The following TTC28 variants were observed in gnomAD, a reference collection of about 807,000 sequenced individuals.
TTC28 encodes the protein tetratricopeptide repeat domain 28, also known as tetratricopeptide repeat protein 28.
Under a neutral mutation model 198.0 loss-of-function variants are expected in TTC28, and 61 were observed. The observed-to-expected ratio is 0.31, with a 90% CI of 0.25 to 0.38. The LOEUF (loss-of-function observed/expected upper bound fraction) is 0.38. Ranked by LOEUF, TTC28 falls within the 10% of genes least tolerant of loss-of-function variation. TTC28 has a pLI of 1.00. For synonymous variants in TTC28, 1,171 were observed against 1,297.8 expected, an observed-to-expected ratio of 0.90 and a Z score of 2.10; for missense variants, 2,678 against 3,164.0, an observed-to-expected ratio of 0.85 and a Z score of 3.69.
At chr22:28,177,131 A>G (rs946739168) in intron 5 of TTC28, among the ~76,000 whole-genome samples, 8 of 152,212 alleles carry the variant, frequency 5.3e-5, no homozygotes, top group African/African-American at 1.4e-4. Flanking sequence ...CATAAATGAT[A>G]AAAGACTTAT....
intron 1 of TTC28, among the ~76,000 whole-genome samples, chr22:28,675,504 C>G (rs991593411): frequency 4.6e-5 from 7 of 151,882 alleles, no homozygotes; most frequent in African/African-American, 1.7e-4. Flanking sequence ...GTAATCCTAG[C>G]ACTTTGGGAG....
intron 3 of TTC28, among the ~76,000 whole-genome samples, chr22:28,304,458 G>A (rs547778405): frequency 6.6e-6 from 1 of 152,106 alleles, no homozygotes; most frequent in South Asian, 2.1e-4. Context: ...CAGTGGTAAA[G>A]ACAATGCTGA....
chr22:28,589,554 G>A (rs1040064557), intron 2 of TTC28, among the ~76,000 whole-genome samples: 1 of 152,142 alleles, frequency 6.6e-6, no homozygotes, highest in African/African-American at 2.4e-5. Flanking sequence ...CCCACATTGT[G>A]GATGGGAGCT....
Position 27,998,554 on chromosome 22 carries a change from G to A in TTC28, c.5105C>T (p.Pro1702Leu), listed in dbSNP as rs1392554521. 6.5e-7 allele frequency: 1 copy of A among 1,549,816 alleles called. No individual in the cohort carries two copies. The highest frequency in any genetic ancestry group is 1.2e-5 in the South Asian group (1 of 84,000). Reference sequence around the variant, plus strand: ...CGAACTCCCACCTGCCCAGTTGGAGGGGTGCGAGAAGGCCTTGCTGCTCTG... The same window carrying A: ...CGAACTCCCACCTGCCCAGTTGGAGAGGTGCGAGAAGGCCTTGCTGCTCTG... ...VVQSSKAFSHPSNWAGFMLIG... is the reference protein window; with the variant it reads ...VVQSSKAFSHLSNWAGFMLIG... Residue 1702 changes from proline to leucine, a missense_variant, in exon 16 of 23, where the codon CCC (proline) becomes CTC (leucine). By Grantham distance (98) the Pro-to-Leu change is moderately conservative (BLOSUM62 -3). This residue lies in a region of TTC28 where 314 missense variants were observed against 442.7 expected (regional missense o/e 0.71). Transcript: ENST00000397906.
At chr22:28,195,645 GACAA>G (rs1266587094) in intron 5 of TTC28, among the ~76,000 whole-genome samples, 2 of 66,770 alleles carry the variant, frequency 3.0e-5, no homozygotes, top group African/African-American at 1.2e-4. Context: ...ACCCATAACA[GACAA>G]ACAGAGAGCC....
chr22:28,060,349 T>G (rs1179417897), intron 12 of TTC28, among the ~76,000 whole-genome samples: 2 of 152,314 alleles, frequency 1.3e-5, no homozygotes, highest in East Asian at 3.9e-4. Context: ...CATGCGGTGT[T>G]TGGTTTTCTG....
At chr22:28,591,050 T>C (rs1244415359) in intron 2 of TTC28, among the ~76,000 whole-genome samples, 80 of 58,658 alleles carry the variant, frequency 1.4e-3, no homozygotes, top group Non-Finnish European at 2.1e-3. Flanking sequence ...CATATATATA[T>C]ATATATATAT....
At position 28,032,257 on chromosome 22, in the gene TTC28, ATATATATATAGTGT is replaced by A. The variant is rs1569095038; in HGVS notation, c.3933-1905_3933-1892del. Among the ~76,000 whole-genome samples, 12 of 86,818 alleles carry A rather than the reference ATATATATATAGTGT, an allele frequency of 1.4e-4. 1 individual carries two copies. The highest frequency in any genetic ancestry group is 7.8e-4 in the South Asian group (2 of 2,550). The allele number at this position is 86,818 out of a possible 152,430, so 57.0% of individuals were successfully genotyped here. On this transcript the variant is annotated intron_variant, in intron 12 of 22. Transcript: ENST00000397906. ...TAAAATATATATATATAAAATATAT[ATATATATATAGTGT>A]GTGTGTGTGTGTGTGTGTGTGTGTA...
intron 5 of TTC28, among the ~76,000 whole-genome samples, chr22:28,219,854 G>T (rs1927716519): frequency 6.6e-6 from 1 of 152,178 alleles, no homozygotes; most frequent in African/African-American, 2.4e-5. Context: ...TTTCAAAAGG[G>T]ATGACAAACA....
chr22:28,353,252 T>G (rs1438464153), intron 2 of TTC28, among the ~76,000 whole-genome samples: 4 of 152,210 alleles, frequency 2.6e-5, no homozygotes, highest in African/African-American at 9.7e-5. Context: ...CCTTAAGGAT[T>G]GTATTTTTGG....
chr22:28,577,190 G>A (rs991157430), intron 2 of TTC28, among the ~76,000 whole-genome samples: 1 of 151,902 alleles, frequency 6.6e-6, no homozygotes, highest in Non-Finnish European at 1.5e-5. Context: ...CATTTGTTTT[G>A]AGAAATTTTT....
At chr22:27,992,314 A>G (rs554391381) in intron 19 of TTC28, among the ~76,000 whole-genome samples, 2 of 152,308 alleles carry the variant, frequency 1.3e-5, no homozygotes, top group East Asian at 1.9e-4. Context: ...CAATGCCAAT[A>G]GCAGCCAGTG....
chr22:28,263,554 A>G (rs903500477), intron 5 of TTC28, among the ~76,000 whole-genome samples: 11 of 152,158 alleles, frequency 7.2e-5, no homozygotes, highest in African/African-American at 2.7e-4. Context: ...TTCATTTCAT[A>G]TAATCATCCT....
chr22:28,251,176 G>T (rs1257728415), intron 5 of TTC28, among the ~76,000 whole-genome samples: 4 of 152,068 alleles, frequency 2.6e-5, no homozygotes, highest in Admixed American at 2.6e-4. Context: ...ATTCAATATT[G>T]AGTTTGTTTC....
chr22:28,645,864 T>G (rs1441328283), intron 1 of TTC28, among the ~76,000 whole-genome samples: 2 of 152,076 alleles, frequency 1.3e-5, no homozygotes, highest in African/African-American at 4.8e-5. Flanking sequence ...CTGGTTCAAG[T>G]GATTCTCGTG....
chr22:28,069,945 C>T (rs1054106548), intron 12 of TTC28, among the ~76,000 whole-genome samples: 8 of 151,766 alleles, frequency 5.3e-5, no homozygotes, highest in Admixed American at 5.3e-4. Context: ...CACACACACA[C>T]ACACACACAC....
At chr22:28,152,956 G>C (rs1044054269) in intron 6 of TTC28, among the ~76,000 whole-genome samples, 4 of 151,816 alleles carry the variant, frequency 2.6e-5, no homozygotes, top group African/African-American at 9.7e-5. Context: ...TATTTATTTA[G>C]GATACTAGGT....
chr22:28,392,859 G>A (rs979011348), intron 2 of TTC28, among the ~76,000 whole-genome samples: 8 of 139,070 alleles, frequency 5.8e-5, no homozygotes, highest in African/African-American at 1.6e-4. Context: ...GGCCATCTTG[G>A]TTCCTCCCTC....
At chr22:28,191,404 A>G (rs956406320) in intron 5 of TTC28, among the ~76,000 whole-genome samples, 12 of 152,224 alleles carry the variant, frequency 7.9e-5, no homozygotes, top group East Asian at 1.9e-4. Flanking sequence ...CAACTGAGGT[A>G]GCGGGTTCAT....
Sources: allele counts gnomAD v4.1 joint callset (sites outside exome capture counted in the v4.1 genomes callset), GRCh38; gene constraint gnomAD v4.1.1; regional missense constraint gnomAD v4.1.1; transcripts MANE v1.5; gene names NCBI Gene and HGNC (gene_info 2026-07-23, HGNC 2026-07-21).